RECK: variants seen among roughly 807,000 people sequenced by gnomAD.
The protein encoded by RECK is reversion inducing cysteine rich protein with kazal motifs.
A neutral mutation model predicts 115.1 loss-of-function variants in RECK; 69 were observed. The ratio of observed to expected loss-of-function variants is 0.60; its 90% CI spans 0.49 to 0.73. The LOEUF (loss-of-function observed/expected upper bound fraction) is 0.73. Among genes scored for constraint, RECK ranks in the 30% least tolerant of loss-of-function variants. The pLI, the probability that RECK is intolerant of heterozygous loss-of-function variation, is 0.00. For missense variants in RECK, 1,047 were observed against 1,203.7 expected, an observed-to-expected ratio of 0.87 and a Z score of 1.93; for synonymous variants, 414 against 419.7, an observed-to-expected ratio of 0.99 and a Z score of 0.17.
At position 36,105,232 on chromosome 9, in the gene RECK, C is replaced by A. The variant is rs764861284; in HGVS notation, c.1525C>A (p.Arg509=). Residue 509 remains arginine, a synonymous_variant, in exon 13 of 21, where the codon CGA becomes AGA. Transcript: ENST00000377966. ...TGCCAATGAGCTCTGTGAAGTAAACCGAAAAGGATGTCCATCTGGAGATCC... is the reference window on the plus strand; with the variant it reads ...TGCCAATGAGCTCTGTGAAGTAAACAGAAAAGGATGTCCATCTGGAGATCC... ...CPANELCEVN[R]KGCPSGDPCL... 1.9e-6 allele frequency: 3 copies of A among 1,613,852 alleles called. No individual in the cohort carries two copies. The African/African-American group carries it at 4.0e-5, about 22-fold the overall frequency.
intron 20 of RECK, 26 bp downstream of exon 20, chr9:36,121,714 C>T: frequency 1.2e-6 from 2 of 1,607,936 alleles, no homozygotes; most frequent in South Asian, 1.1e-5. Flanking sequence ...GTTGTGAAGC[C>T]ATCTTGTCAC....
intron 7 of RECK, among the ~76,000 whole-genome samples, chr9:36,082,152 TTCTCTC>T (rs71508008): frequency 0.014 from 1,545 of 113,698 alleles, 30 homozygotes; most frequent in African/African-American, 0.043. Flanking sequence ...CCTCCCTGCT[TTCTCTC>T]TCTCTCTCTC....
At chr9:36,086,494 C>A (rs1007192763) in intron 8 of RECK, among the ~76,000 whole-genome samples, 1 of 152,086 alleles carries the variant, frequency 6.6e-6, no homozygotes, top group Non-Finnish European at 1.5e-5. Context: ...GTAGTGCCGA[C>A]CCAAAGAGTG....
intron 2 of RECK, among the ~76,000 whole-genome samples, chr9:36,056,519 C>T (rs1003868779): frequency 2.1e-4 from 32 of 152,086 alleles, no homozygotes; most frequent in Non-Finnish European, 4.7e-4. Flanking sequence ...TGTCGTTTAA[C>T]ATTTTCCTTT....
rs56680169 is a variant in RECK, at chr9:36,122,958, C to T, written c.2829C>T (p.Ala943=). Residue 943 remains alanine, a synonymous_variant, in exon 21 of 21, where the codon GCC becomes GCT. Coordinates refer to ENST00000377966, the MANE Select transcript of RECK (RefSeq NM_021111.3). ...QVQVSSSVPS[A]GVRARPSCHS... ...AGGTCTCCAGCAGTGTGCCATCGGC[C>T]GGTGTCAGGGCCAGGCCTTCTTGCC... 2.4e-3 allele frequency: 3,821 copies of T among 1,614,128 alleles called. 95 individuals are homozygous for T. The African/African-American group carries it at 0.044, about 19-fold the overall frequency.
At chr9:36,097,247 G>T (rs1001446812) in intron 10 of RECK, among the ~76,000 whole-genome samples, 1 of 150,262 alleles carries the variant, frequency 6.7e-6, no homozygotes, top group African/African-American at 2.5e-5. Context: ...AGAATGGCTT[G>T]AACCTAGGAG....
At chr9:36,117,628 C>A (rs1328600952) in intron 17 of RECK, among the ~76,000 whole-genome samples, 1 of 152,146 alleles carries the variant, frequency 6.6e-6, no homozygotes, top group Non-Finnish European at 1.5e-5. Flanking sequence ...GACTTAATGT[C>A]TTTTTACATC....
intron 16 of RECK, among the ~76,000 whole-genome samples, chr9:36,114,889 G>A (rs1297923596): frequency 1.3e-5 from 2 of 151,876 alleles, no homozygotes; most frequent in East Asian, 3.9e-4. Flanking sequence ...GAAAGAAATT[G>A]GTAATAGTGG....
chr9:36,114,513 C>A (rs1357688279), intron 16 of RECK, among the ~76,000 whole-genome samples: 2 of 152,108 alleles, frequency 1.3e-5, no homozygotes, highest in African/African-American at 4.8e-5. Flanking sequence ...ATGCACATAC[C>A]CTTTGGATTA....
At chr9:36,097,525 T>C (rs570610530) in intron 10 of RECK, among the ~76,000 whole-genome samples, 2 of 152,258 alleles carry the variant, frequency 1.3e-5, no homozygotes, top group African/African-American at 4.8e-5. Context: ...AGATGGAAGA[T>C]AACAATTGTT....
intron 12 of RECK, among the ~76,000 whole-genome samples, chr9:36,104,677 T>C (rs970934889): frequency 6.6e-6 from 1 of 152,028 alleles, no homozygotes; most frequent in African/African-American, 2.4e-5. Context: ...GCCCAGCTAA[T>C]TTTTATATTT....
At chr9:36,066,970 CA>C in intron 6 of RECK, 1 of 669,896 alleles carries the variant, frequency 1.5e-6, no homozygotes, top group Non-Finnish European at 2.3e-6. Context: ...AACCATTTTC[CA>C]AAAATCTGTA....
Position 36,062,361 on chromosome 9 carries a change from A to G in RECK, c.272-1434A>G, listed in dbSNP as rs148564812. ...TTTTTAGTGGAGACGAGGTTTCACT[A>G]TGTTGGTCAGCCTGATCTTGAACTC... On this transcript the variant is annotated intron_variant, in intron 4 of 20. Transcript: ENST00000377966. Among the ~76,000 whole-genome samples, 1,028 of 152,186 alleles carry G rather than the reference A, an allele frequency of 6.8e-3. 13 individuals carry two copies. Among genetic ancestry groups the G allele is most frequent in the African/African-American group, 0.023 (947 of 41,506 alleles).
intron 6 of RECK, among the ~76,000 whole-genome samples, chr9:36,075,324 A>G (rs913967131): frequency 2.0e-5 from 3 of 152,230 alleles, no homozygotes; most frequent in Non-Finnish European, 4.4e-5. Context: ...GTTACTTGCC[A>G]GTGAATTTGC....
chr9:36,099,768 A>G (rs1011512288), intron 10 of RECK, among the ~76,000 whole-genome samples: 3 of 152,096 alleles, frequency 2.0e-5, no homozygotes, highest in African/African-American at 7.2e-5. Context: ...TGCAGGTGTG[A>G]GCCACTGCAC....
At chr9:36,053,132 A>T (rs1821374065) in intron 2 of RECK, among the ~76,000 whole-genome samples, 1 of 152,314 alleles carries the variant, frequency 6.6e-6, no homozygotes. Flanking sequence ...AGTGTTTAGG[A>T]TGGGTGCATC....
At chr9:36,061,393 T>TACACACACACAC (rs58265948) in intron 4 of RECK, among the ~76,000 whole-genome samples, 7,399 of 128,970 alleles carry the variant, frequency 0.057, 335 homozygotes, top group South Asian at 0.09. Flanking sequence ...TGTAATTTTC[T>TACACACACACAC]ACACACACAC....
chr9:36,060,053 G>T, intron 3 of RECK, 66 bp from the exon 4 acceptor site: 1 of 1,453,126 alleles, frequency 6.9e-7, no homozygotes, highest in Non-Finnish European at 9.6e-7. Context: ...AATTTCTGTA[G>T]AAATTAATTG....
intron 1 of RECK, among the ~76,000 whole-genome samples, chr9:36,043,150 G>A (rs1334096178): frequency 3.3e-4 from 46 of 140,730 alleles, no homozygotes; most frequent in Admixed American, 3.0e-3. Flanking sequence ...TCAGCCTCCC[G>A]AGTAGCTGGG....
Sources: gnomAD v4.1 joint callset for allele counts (sites outside exome capture counted in the v4.1 genomes callset) on GRCh38, gnomAD v4.1.1 for gene constraint, MANE v1.5 for transcripts, NCBI Gene and HGNC (gene_info 2026-07-23, HGNC 2026-07-21) for gene names.